Variants in XRN2 observed in about 807,000 individuals in gnomAD.
XRN2 encodes 5'-3' exoribonuclease 2.
In XRN2, 44 loss-of-function variants were observed where a neutral mutation model predicts 138.5. The observed-to-expected ratio is 0.32, with a 90% CI of 0.25 to 0.41. XRN2 has a LOEUF of 0.41. Ranked by LOEUF, XRN2 falls within the 10% of genes least tolerant of loss-of-function variation. The probability of loss-of-function intolerance (pLI) is 1.00; values close to 1 mark genes in which losing one functional copy is unlikely to be tolerated. For missense variants in XRN2, 937 were observed against 1,169.3 expected, an observed-to-expected ratio of 0.80 and a Z score of 2.90; for synonymous variants, 354 against 369.4, an observed-to-expected ratio of 0.96 and a Z score of 0.48.
At chr20:21,328,482 C>A in intron 3 of XRN2, 77 bp from the exon 4 acceptor site, 2 of 1,370,406 alleles carry the variant, frequency 1.5e-6, no homozygotes, top group Non-Finnish European at 1.0e-6. Flanking sequence ...TTTATAAGAA[C>A]AACTGATTCA....
intron 24 of XRN2, among the ~76,000 whole-genome samples, chr20:21,358,368 A>T (rs1381759646): frequency 6.6e-6 from 1 of 152,238 alleles, no homozygotes; most frequent in Non-Finnish European, 1.5e-5. Context: ...AGTAAAAATA[A>T]TATAAAATGT....
At chr20:21,303,877 C>T in intron 1 of XRN2, 1 of 983,936 alleles carries the variant, frequency 1.0e-6, no homozygotes, top group Non-Finnish European at 1.2e-6. Flanking sequence ...TATGGATGCA[C>T]GGATTCGGAG....
chr20:21,343,132 T>TA (rs967769089), intron 15 of XRN2, among the ~76,000 whole-genome samples: 27 of 152,090 alleles, frequency 1.8e-4, no homozygotes, highest in Middle Eastern at 3.4e-3. Flanking sequence ...GCTCTCAGTT[T>TA]AAAAAAAATT....
At chr20:21,336,725 C>G (rs908186543) in intron 13 of XRN2, among the ~76,000 whole-genome samples, 1 of 152,118 alleles carries the variant, frequency 6.6e-6, no homozygotes, top group Non-Finnish European at 1.5e-5. Context: ...ACTAAGTAAA[C>G]CTCATTAAGT....
At chr20:21,355,820 A>G (rs2038569369) in intron 21 of XRN2, among the ~76,000 whole-genome samples, 1 of 152,060 alleles carries the variant, frequency 6.6e-6, no homozygotes. Flanking sequence ...ATCACCTCAC[A>G]TTTATCTTTT....
chr20:21,318,888 T>C (rs1191913337), intron 1 of XRN2, among the ~76,000 whole-genome samples: 3 of 152,144 alleles, frequency 2.0e-5, no homozygotes, highest in Non-Finnish European at 2.9e-5. Context: ...GTATATTCTG[T>C]TAAGTGTAAT....
chr20:21,354,834 C>T lies in XRN2; in HGVS notation c.1982C>T (p.Ala661Val). The T allele has an allele frequency of 6.2e-7, 1 of 1,613,788 alleles. No individual in the cohort carries two copies. Among genetic ancestry groups the T allele is most frequent in the South Asian group, 1.1e-5 (1 of 91,016 alleles). The change falls in exon 21 of 30, where the codon GCC becomes GTC. Residue 661 changes from alanine to valine, a missense_variant. Coordinates refer to ENST00000377191, the MANE Select transcript of XRN2 (RefSeq NM_012255.5). ...GTGGATGAGCGAAGGCTACGAGCTG[C>T]CCTAGAAGAGGTATACCCAGACCTC... is the stretch of plus-strand genomic sequence containing the variant. ...PFVDERRLRA[A>V]LEEVYPDLTP...
intron 20 of XRN2, among the ~76,000 whole-genome samples, chr20:21,350,697 G>A (rs1268164690): frequency 2.6e-5 from 4 of 151,588 alleles, no homozygotes; most frequent in South Asian, 4.2e-4. Context: ...TTTACTTATT[G>A]TTCTCTGTGG....
intron 28 of XRN2, among the ~76,000 whole-genome samples, chr20:21,383,114 AATC>A (rs2038902879): frequency 6.6e-6 from 1 of 152,220 alleles, no homozygotes; most frequent in South Asian, 2.1e-4. Context: ...GGATAAAAGG[AATC>A]ATGTTATTCG....
At chr20:21,326,184 A>T in intron 1 of XRN2, 95 bp from the exon 2 acceptor site, 1 of 1,255,348 alleles carries the variant, frequency 8.0e-7, no homozygotes, top group Non-Finnish European at 1.1e-6. Flanking sequence ...TTTTATTTCC[A>T]GTTCAGAAAT....
intron 27 of XRN2, among the ~76,000 whole-genome samples, chr20:21,372,868 A>G (rs1263244895): frequency 6.6e-6 from 1 of 152,008 alleles, no homozygotes; most frequent in Non-Finnish European, 1.5e-5. Context: ...TCATAGTATC[A>G]TACATTACCT....
At chr20:21,365,874 TATA>T (rs1463275624) in intron 26 of XRN2, among the ~76,000 whole-genome samples, 170 bp downstream of exon 26, 32 of 127,344 alleles carry the variant, frequency 2.5e-4, no homozygotes, top group Admixed American at 1.6e-3. Flanking sequence ...TATAATTATA[TATA>T]ATATTATATA....
chr20:21,315,844 T>C (rs1191888078), intron 1 of XRN2, among the ~76,000 whole-genome samples: 1 of 152,228 alleles, frequency 6.6e-6, no homozygotes, highest in Non-Finnish European at 1.5e-5. Context: ...TGTAAGAGTT[T>C]TAAAGAATGT....
chr20:21,310,064 C>T (rs919910816), intron 1 of XRN2, among the ~76,000 whole-genome samples: 1 of 152,114 alleles, frequency 6.6e-6, no homozygotes, highest in African/African-American at 2.4e-5. Flanking sequence ...ACATTTCTTC[C>T]TCTCTGATAT....
At chr20:21,370,774 T>C (rs568409553) in intron 27 of XRN2, among the ~76,000 whole-genome samples, 2 of 152,378 alleles carry the variant, frequency 1.3e-5, no homozygotes, top group South Asian at 2.1e-4. Context: ...TTAGACTTCA[T>C]AGATTTTACA....
chr20:21,370,474 A>G (rs1219545174), intron 27 of XRN2, among the ~76,000 whole-genome samples: 2 of 152,254 alleles, frequency 1.3e-5, no homozygotes, highest in African/African-American at 4.8e-5. Flanking sequence ...AATTTATTTA[A>G]TTAATACAAG....
chr20:21,356,027 C>A, intron 21 of XRN2, 53 bp from the exon 22 acceptor site: 1 of 1,427,536 alleles, frequency 7.0e-7, no homozygotes, highest in South Asian at 1.3e-5. Context: ...AAAAATTGGT[C>A]TTGCAGGTAC....
rs754356641 is a variant in XRN2 at position 21,334,060 on chromosome 20, A to G, written c.1126-18A>G. ...CTTTTATAAGAAGATCATTTTACAT[A>G]TATTTTATCACTTACAGGGTTACCT... On this transcript the variant is annotated intron_variant, in intron 12 of 29. Coordinates refer to ENST00000377191, the MANE Select transcript of XRN2 (RefSeq NM_012255.5). The G allele has an allele frequency of 3.7e-6, 6 of 1,613,740 alleles. No individual in the cohort carries two copies. Among genetic ancestry groups the G allele is most frequent in the South Asian group, 3.3e-5 (3 of 91,038 alleles).
intron 24 of XRN2, 139 bp downstream of exon 24, chr20:21,357,931 C>T (rs1168565248): frequency 1.7e-6 from 1 of 587,650 alleles, no homozygotes; most frequent in Non-Finnish European, 2.9e-6. Context: ...CCCTGTGTTG[C>T]AGACCTTACA....
Sources: gnomAD v4.1 joint callset for allele counts (sites outside exome capture counted in the v4.1 genomes callset) on GRCh38, gnomAD v4.1.1 for gene constraint, MANE v1.5 for transcripts, NCBI Gene and HGNC (gene_info 2026-07-23, HGNC 2026-07-21) for gene names.